DLG2: variants seen among roughly 807,000 people sequenced by gnomAD.
DLG2 encodes the protein discs large MAGUK scaffold protein 2, also known as disks large homolog 2.
DLG2 carries 45 observed loss-of-function variants against 132.5 expected under a neutral mutation model. That is an observed-to-expected ratio of 0.34 (90% CI 0.27 to 0.44). DLG2 has a LOEUF of 0.44. Among genes scored for constraint, DLG2 ranks in the 20% least tolerant of loss-of-function variants. DLG2 has a pLI of 1.00. For missense variants in DLG2, 1,045 were observed against 1,196.9 expected (o/e 0.87, Z 1.87); for synonymous variants, 424 against 419.6 (o/e 1.01, Z -0.13).
At chr11:83,913,289 G>A (rs12277024) in intron 15 of DLG2, among the ~76,000 whole-genome samples, 27,461 of 151,860 alleles carry the variant, frequency 0.18, 2,697 homozygotes, top group Non-Finnish European at 0.23. Flanking sequence ...CTCAGTTGAT[G>A]GCACAGAGCA....
chr11:83,700,761 C>A (rs763475128), intron 18 of DLG2, among the ~76,000 whole-genome samples: 1 of 152,000 alleles, frequency 6.6e-6, no homozygotes, highest in South Asian at 2.1e-4. Context: ...TGAATAAAAT[C>A]CTTTATATAG....
chr11:85,356,139 G>C (rs927203203), intron 3 of DLG2, among the ~76,000 whole-genome samples: 6 of 152,170 alleles, frequency 3.9e-5, no homozygotes, highest in Non-Finnish European at 8.8e-5. Context: ...AGAGGCAGAA[G>C]AGCCACAGAC....
chr11:85,491,753 C>T (rs1014719340), intron 3 of DLG2, among the ~76,000 whole-genome samples: 3 of 151,926 alleles, frequency 2.0e-5, no homozygotes, highest in Admixed American at 6.6e-5. Flanking sequence ...ATGGAAGTCA[C>T]AAATAAATAG....
intron 19 of DLG2, among the ~76,000 whole-genome samples, chr11:83,551,319 C>T (rs988104096): frequency 6.6e-6 from 1 of 152,108 alleles, no homozygotes; most frequent in Non-Finnish European, 1.5e-5. Flanking sequence ...TTAAGCCTAC[C>T]TCTGCTATCC....
chr11:83,713,905 G>C (rs911111325), intron 18 of DLG2, among the ~76,000 whole-genome samples: 1 of 152,122 alleles, frequency 6.6e-6, no homozygotes, highest in Non-Finnish European at 1.5e-5. Context: ...GCATTGGCTA[G>C]GAACACAGAT....
At position 83,702,406 on chromosome 11, in the gene DLG2, G is replaced by A. The variant is rs7936193; in HGVS notation, c.1826-69081C>T. Among the ~76,000 whole-genome samples the A allele has an allele frequency of 6.3e-3, 960 of 152,300 alleles. 8 individuals are homozygous for A. Among genetic ancestry groups the A allele is most frequent in the African/African-American group, 0.022 (911 of 41,544 alleles). On this transcript the variant is annotated intron_variant, in intron 18 of 27. Transcript: ENST00000376104. ...TAGAATGTGACTTATCTCATGGGGT[G>A]TTGACAGGAGCAAATGTAGTAATTA...
chr11:84,777,077 G>A (rs2070696207), intron 6 of DLG2, among the ~76,000 whole-genome samples: 1 of 151,318 alleles, frequency 6.6e-6, no homozygotes, highest in African/African-American at 2.4e-5. Flanking sequence ...TTGGGTGTCT[G>A]TCATTTCACT....
At chr11:84,313,633 AAG>A (rs1401024488) in intron 7 of DLG2, among the ~76,000 whole-genome samples, 111 of 107,608 alleles carry the variant, frequency 1.0e-3, no homozygotes, top group African/African-American at 3.5e-3. Flanking sequence ...AAAGAAAGGA[AAG>A]AGAGAAAAAG....
intron 6 of DLG2, among the ~76,000 whole-genome samples, chr11:84,932,870 C>T (rs538232235): frequency 2.0e-5 from 3 of 152,046 alleles, no homozygotes; most frequent in East Asian, 3.9e-4. Context: ...CCTTTGGGTA[C>T]GTACCCAGTA....
At chr11:85,165,775 C>T (rs2152483319) in intron 4 of DLG2, among the ~76,000 whole-genome samples, 1 of 152,244 alleles carries the variant, frequency 6.6e-6, no homozygotes, top group South Asian at 2.1e-4. Context: ...ATAGGCCAAA[C>T]AAAATATAAA....
At chr11:84,233,067 T>A (rs891508970) in intron 8 of DLG2, among the ~76,000 whole-genome samples, 1 of 152,142 alleles carries the variant, frequency 6.6e-6, no homozygotes, top group Admixed American at 6.5e-5. Flanking sequence ...TAAAAAACGA[T>A]AGCTTCCTCC....
chr11:84,368,887 C>A (rs940196843), intron 7 of DLG2, among the ~76,000 whole-genome samples: 35 of 152,200 alleles, frequency 2.3e-4, no homozygotes, highest in African/African-American at 7.7e-4. Flanking sequence ...TAGTCTAGAA[C>A]TAGTGTCTTA....
chr11:84,406,376 T>G (rs1173394510), intron 7 of DLG2, among the ~76,000 whole-genome samples: 1 of 152,192 alleles, frequency 6.6e-6, no homozygotes, highest in Non-Finnish European at 1.5e-5. Flanking sequence ...TGGAGTGCAG[T>G]GGCATAAACA....
intron 16 of DLG2, among the ~76,000 whole-genome samples, chr11:83,872,304 T>A (rs1476594599): frequency 6.6e-6 from 1 of 152,182 alleles, no homozygotes; most frequent in Non-Finnish European, 1.5e-5. Context: ...CTTTTAGCTG[T>A]TGAGGAAACC....
intron 6 of DLG2, among the ~76,000 whole-genome samples, chr11:85,015,031 G>C (rs7127990): frequency 6.6e-6 from 1 of 151,890 alleles, no homozygotes; most frequent in African/African-American, 2.4e-5. Context: ...TGTATTTTAA[G>C]CCTCCCCTCT....
At chr11:83,764,494 C>T (rs1420147522) in intron 18 of DLG2, among the ~76,000 whole-genome samples, 1 of 152,138 alleles carries the variant, frequency 6.6e-6, no homozygotes, top group Non-Finnish European at 1.5e-5. Context: ...ATGTCACTGA[C>T]CTTGCTGTGG....
chr11:84,569,859 G>A (rs1350227283), intron 6 of DLG2, among the ~76,000 whole-genome samples: 1 of 152,138 alleles, frequency 6.6e-6, no homozygotes, highest in African/African-American at 2.4e-5. Flanking sequence ...GCCCTTGACT[G>A]GACACCTGGG....
chr11:85,514,634 T>G (rs1031502777), intron 3 of DLG2, among the ~76,000 whole-genome samples: 3 of 151,998 alleles, frequency 2.0e-5, no homozygotes, highest in Non-Finnish European at 4.4e-5. Flanking sequence ...CCATTCCTCA[T>G]GTATTTTTAC....
chr11:84,828,178 G>T (rs1192702470), intron 6 of DLG2, among the ~76,000 whole-genome samples: 2 of 151,772 alleles, frequency 1.3e-5, no homozygotes, highest in African/African-American at 4.8e-5. Context: ...AGGAGAGAAA[G>T]AAAGCAGGGA....
Sources: allele counts gnomAD v4.1 joint callset (sites outside exome capture counted in the v4.1 genomes callset), GRCh38; gene constraint gnomAD v4.1.1; transcripts MANE v1.5; gene names NCBI Gene and HGNC (gene_info 2026-07-23, HGNC 2026-07-21).